Variants in RFXANK observed in about 807,000 individuals in gnomAD.
RFXANK encodes DNA-binding protein RFXANK.
RFXANK carries 19 observed loss-of-function variants against 34.5 expected under a neutral mutation model. The observed-to-expected ratio is 0.55, with a 90% CI of 0.38 to 0.81. The LOEUF is 0.81. Ranked by LOEUF, RFXANK falls within the 30% of genes least tolerant of loss-of-function variation. The pLI is 0.00. For missense variants in RFXANK, 295 were observed against 343.5 expected (o/e 0.86, Z 1.12); for synonymous variants, 154 against 149.8 (o/e 1.03, Z -0.20).
chr19:19,193,993 C>G lies in RFXANK; in HGVS notation c.47C>G (p.Thr16Ser), dbSNP rs764499202. The change falls in exon 3 of 10, where the codon ACC becomes AGC. Residue 16 changes from threonine to serine, a missense_variant. Physicochemically the swap from Thr to Ser is moderately conservative, Grantham distance 58. Coordinates refer to ENST00000303088, the MANE Select transcript of RFXANK (RefSeq NM_003721.4). ...GAAGACCTCATCCAGACCCAGCAGA[C>G]CCCTGCCTCAGAACTTGGGGACCCT... ...PAEDLIQTQQ[T>S]PASELGDPED... The G allele has an allele frequency of 1.9e-6, 3 of 1,614,244 alleles. No homozygotes were observed. The highest frequency in any genetic ancestry group is 2.5e-6 in the Non-Finnish European group (3 of 1,180,040).
At chr19:19,193,696 G>A (rs1269767153) in intron 2 of RFXANK, among the ~76,000 whole-genome samples, 1 of 152,086 alleles carries the variant, frequency 6.6e-6, no homozygotes, top group African/African-American at 2.4e-5. Context: ...TTACAGCCGT[G>A]AGCCACTGTG....
At chr19:19,200,246 C>T (rs960746287) in intron 9 of RFXANK, among the ~76,000 whole-genome samples, 6 of 148,956 alleles carry the variant, frequency 4.0e-5, no homozygotes, top group East Asian at 4.0e-4. Flanking sequence ...GGCGCCATCT[C>T]GGCTCACTGC....
rs1599786279 is a variant in RFXANK at position 19,198,906 on chromosome 19, T to C, written c.631+183T>C. 12 of 773,486 alleles carry C rather than the reference T, an allele frequency of 1.6e-5. No individual in the cohort carries two copies. The East Asian group carries it at 3.2e-4, about 21-fold the overall frequency. The allele number at this position is 773,486 out of a possible 1,614,324, so 47.9% of individuals were successfully genotyped here. ...TGGTAGGACCACACGGGAGTCGGGG[T>C]CTGGGTTTAGGATCTGGCCAAGAGG... On this transcript the variant is annotated intron_variant, in intron 8 of 9. Coordinates refer to ENST00000303088, the MANE Select transcript of RFXANK (RefSeq NM_003721.4).
rs2060498232 is a variant in RFXANK, at chr19:19,192,401, A to T, written c.-303A>T. On this transcript the variant is annotated 5_prime_UTR_variant, in exon 1 of 10. Transcript: ENST00000303088. ...GGGGGAAGAACTCTCTCCCTTTCTG[A>T]ACCCCCTTTTCCTTGAGAGACGAGT... 1 of 546,986 alleles carries T rather than the reference A, an allele frequency of 1.8e-6. No individual in the cohort carries two copies. Among genetic ancestry groups the T allele is most frequent in the African/African-American group, 1.9e-5 (1 of 52,414 alleles). The allele number at this position is 546,986 out of a possible 1,614,324, so 33.9% of individuals were successfully genotyped here. A position where few individuals can be genotyped will look rare whatever the true frequency, so the allele number is the denominator to read the frequency against.
chr19:19,197,411 C>T (rs1167343487), intron 5 of RFXANK, 110 bp from the exon 6 acceptor site: 1 of 1,226,534 alleles, frequency 8.2e-7, no homozygotes, highest in Admixed American at 2.0e-5. Context: ...ACATACGCTC[C>T]CCCTCATTCC....
At position 19,197,059 on chromosome 19, in the gene RFXANK, A is replaced by C. The variant is rs765470654; in HGVS notation, c.271+13A>C. ...GCCACCCTAGACTGTGAGTGGGCCC[A>C]CGGTCCCCAACAAGGAGAGGAGTAG... On this transcript the variant is annotated intron_variant, in intron 4 of 9. Coordinates refer to ENST00000303088, the MANE Select transcript of RFXANK (RefSeq NM_003721.4). The C allele has an allele frequency of 6.2e-7, 1 of 1,613,370 alleles. No individual in the cohort carries two copies. Among genetic ancestry groups the C allele is most frequent in the African/African-American group, 1.3e-5 (1 of 74,984 alleles).
At position 19,194,128 on chromosome 19, in the gene RFXANK, C is replaced by T; in HGVS notation, c.182C>T (p.Pro61Leu). 1 of 1,614,184 alleles carries T rather than the reference C, an allele frequency of 6.2e-7. No individual in the cohort carries two copies. The highest frequency in any genetic ancestry group is 8.5e-7 in the Non-Finnish European group (1 of 1,180,004). ...NPEPDASVSSPQAGSSLKHST... is the reference protein window; with the variant it reads ...NPEPDASVSSLQAGSSLKHST... ...GAACCGGATGCCAGTGTTTCCTCTC[C>T]ACAGGGTAGGATACCTCCTCTGGGA... is the stretch of plus-strand genomic sequence containing the variant. The change falls in exon 3 of 10, where the codon CCA (proline) becomes CTA (leucine). Residue 61 changes from proline (P) to leucine (L), a missense_variant. By Grantham distance (98) the Pro-to-Leu change is moderately conservative. Transcript: ENST00000303088.
At chr19:19,199,864 A>G (rs2146505132) in intron 9 of RFXANK, among the ~76,000 whole-genome samples, 1 of 152,220 alleles carries the variant, frequency 6.6e-6, no homozygotes, top group South Asian at 2.1e-4. Context: ...AAATGGGGAG[A>G]TCCCAATTGA....
rs371438200 is a variant in RFXANK at position 19,201,724 on chromosome 19, C to T, written c.*5C>T. On this transcript the variant is annotated 3_prime_UTR_variant, in exon 10 of 10. Transcript: ENST00000303088. ...GTGCCCGCTGACCCTGAGTGAAGGC[C>T]GCCTGCCGGGGACTCAGACACTCAG... is the stretch of plus-strand genomic sequence containing the variant. 45 of 1,613,928 alleles carry T rather than the reference C, an allele frequency of 2.8e-5. No individual in the cohort carries two copies. The South Asian group carries it at 3.6e-4, about 13-fold the overall frequency.
At chr19:19,193,537 T>TC (rs1386187002) in intron 2 of RFXANK, among the ~76,000 whole-genome samples, 3 of 145,698 alleles carry the variant, frequency 2.1e-5, no homozygotes, top group Non-Finnish European at 4.5e-5. Flanking sequence ...TGCCTCAGCC[T>TC]CCCGAGTAGC....
At chr19:19,201,362 G>GCCA (rs1176002416) in intron 9 of RFXANK, 1 of 1,043,514 alleles carries the variant, frequency 9.6e-7, no homozygotes, top group African/African-American at 1.6e-5. Context: ...ATAGGTGTGA[G>GCCA]CCACCATGCC....
chr19:19,193,854 G>A, intron 2 of RFXANK, 85 bp from the exon 3 acceptor site: 1 of 1,474,358 alleles, frequency 6.8e-7, no homozygotes, highest in Non-Finnish European at 9.4e-7. Flanking sequence ...CCCTCACAGT[G>A]CAAGGCTAGG....
At position 19,198,644 on chromosome 19, in the gene RFXANK, C is replaced by T. The variant is rs578037994; in HGVS notation, c.565-13C>T. 5 of 1,613,058 alleles carry T rather than the reference C, an allele frequency of 3.1e-6. No individual in the cohort carries two copies. In the African/African-American group the frequency reaches 5.3e-5, roughly 17 times the overall value. On this transcript the variant is annotated splice_polypyrimidine_tract_variant and intron_variant, in intron 7 of 9. Transcript: ENST00000303088. ...GGTAAACCTTTGGTTTCTCCTGCCCCTACCCACGACAGAATGGAGGGACGC... is the reference window on the plus strand; with the variant it reads ...GGTAAACCTTTGGTTTCTCCTGCCCTTACCCACGACAGAATGGAGGGACGC...
chr19:19,198,905 G>A, intron 8 of RFXANK, 182 bp downstream of exon 8: 1 of 775,786 alleles, frequency 1.3e-6, no homozygotes. Flanking sequence ...GGGAGTCGGG[G>A]TCTGGGTTTA....
At chr19:19,199,376 C>T (rs1445231564) in intron 9 of RFXANK, 142 bp downstream of exon 9, 9 of 836,362 alleles carry the variant, frequency 1.1e-5, no homozygotes, top group Admixed American at 7.3e-5. Context: ...CTGTGTATCC[C>T]GCCTGGGAAC....
chr19:19,193,913 C>T lies in RFXANK; in HGVS notation c.-8-26C>T, dbSNP rs751827842. 7 of 1,610,906 alleles carry T rather than the reference C, an allele frequency of 4.3e-6. No individual in the cohort carries two copies. In the East Asian group the frequency reaches 8.9e-5, roughly 21 times the overall value. ...TATAACTGTTGATAATTATTGTCAT[C>T]TCTCCCCTTCTGACACCTCCGCCAG... On this transcript the variant is annotated intron_variant, in intron 2 of 9. Coordinates refer to ENST00000303088, the MANE Select transcript of RFXANK (RefSeq NM_003721.4).
intron 2 of RFXANK, 80 bp from the exon 3 acceptor site, chr19:19,193,859 G>C (rs2060544949): frequency 6.7e-7 from 1 of 1,494,268 alleles, no homozygotes; most frequent in South Asian, 1.1e-5. Flanking sequence ...ACAGTGCAAG[G>C]CTAGGTATGC....
chr19:19,195,555 C>T (rs1026786919), intron 3 of RFXANK, among the ~76,000 whole-genome samples: 1 of 151,704 alleles, frequency 6.6e-6, no homozygotes, highest in South Asian at 2.1e-4. Context: ...TTGCCCGCCT[C>T]GGCCTCCCAA....
rs769689430 is a variant in RFXANK, at chr19:19,197,547, G to A, written c.364G>A (p.Glu122Lys). 5 of 1,613,896 alleles carry A rather than the reference G, an allele frequency of 3.1e-6. No homozygotes were observed. Among genetic ancestry groups the A allele is most frequent in the Non-Finnish European group, 4.2e-6 (5 of 1,180,026 alleles). Residue 122 changes from glutamate to lysine, a missense_variant, in exon 6 of 10, where the codon GAG becomes AAG. Transcript: ENST00000303088. ...TGACAACCTCGTCAACAAGCCAGAC[G>A]AGCGCGGCTTCACCCCCCTCATCTG... Reference protein sequence around the residue: ...KGDNLVNKPDERGFTPLIWAS... With the variant: ...KGDNLVNKPDKRGFTPLIWAS...
Sources: allele counts gnomAD v4.1 joint callset (sites outside exome capture counted in the v4.1 genomes callset), GRCh38; gene constraint gnomAD v4.1.1; transcripts MANE v1.5; gene names NCBI Gene and HGNC (gene_info 2026-07-23, HGNC 2026-07-21).